Variants in MTHFD1 observed in about 807,000 individuals in gnomAD.
MTHFD1 encodes C-1-tetrahydrofolate synthase, cytoplasmic.
Under a neutral mutation model 110.3 loss-of-function variants are expected in MTHFD1, and 44 were observed. The observed-to-expected ratio is 0.40, with a 90% CI of 0.31 to 0.51. The LOEUF is 0.51. Ranked by LOEUF, MTHFD1 falls within the 20% of genes least tolerant of loss-of-function variation. The pLI is 0.60. For synonymous variants in MTHFD1, 402 were observed against 428.8 expected, an observed-to-expected ratio of 0.94 and a Z score of 0.77; for missense variants, 909 against 1,173.1, an observed-to-expected ratio of 0.77 and a Z score of 3.29.
At chr14:64,449,944 G>A (rs908318158) in intron 24 of MTHFD1, among the ~76,000 whole-genome samples, 1 of 152,114 alleles carries the variant, frequency 6.6e-6, no homozygotes, top group Admixed American at 6.5e-5. Context: ...GTCTGCCACC[G>A]TGCCCAGCTA....
At chr14:64,435,999 T>C (rs995718785) in intron 16 of MTHFD1, among the ~76,000 whole-genome samples, 1 of 152,232 alleles carries the variant, frequency 6.6e-6, no homozygotes, top group East Asian at 1.9e-4. Context: ...GTAGAGAAAT[T>C]ATGTTTAATC....
intron 6 of MTHFD1, among the ~76,000 whole-genome samples, chr14:64,416,510 G>T (rs1566561071): frequency 6.6e-6 from 1 of 152,084 alleles, no homozygotes. Context: ...CTCCTGCACA[G>T]TTGGCCATAT....
At chr14:64,405,303 A>G (rs2077928250) in intron 2 of MTHFD1, among the ~76,000 whole-genome samples, 1 of 152,096 alleles carries the variant, frequency 6.6e-6, no homozygotes, top group Non-Finnish European at 1.5e-5. Flanking sequence ...CTGACTTCCA[A>G]CCTTGTTTTT....
intron 8 of MTHFD1, among the ~76,000 whole-genome samples, chr14:64,421,858 C>T (rs2078076020): frequency 6.6e-6 from 1 of 152,104 alleles, no homozygotes; most frequent in African/African-American, 2.4e-5. Context: ...ATCTCCTGAC[C>T]TCGTGATCCG....
At position 64,435,578 on chromosome 14, in the gene MTHFD1, A is replaced by C. The variant is rs568267898; in HGVS notation, c.1504A>C (p.Ile502Leu). 1.9e-6 allele frequency: 3 copies of C among 1,592,246 alleles called. No homozygotes were observed. In the East Asian group the frequency reaches 6.7e-5, roughly 36 times the overall value. ...IQIRRLKRLG[I>L]EKTDPTTLTD... Reference sequence around the variant, plus strand: ...TTTCCTACACTTTCAGAGACTAGGCATTGAAAAGACTGACCCTACCACACT... The same window carrying C: ...TTTCCTACACTTTCAGAGACTAGGCCTTGAAAAGACTGACCCTACCACACT... The change falls in exon 16 of 28, where the codon ATT becomes CTT. Residue 502 changes from isoleucine (I) to leucine (L), a missense_variant. Ile to Leu is a conservative substitution (Grantham distance 5). Around this residue, in one of 3 missense-constraint regions of MTHFD1, gnomAD observed 482 missense variants for 646.0 expected, o/e 0.75. Coordinates refer to ENST00000652337, the MANE Select transcript of MTHFD1 (RefSeq NM_005956.4).
intron 1 of MTHFD1, among the ~76,000 whole-genome samples, 194 bp from the exon 2 acceptor site, chr14:64,400,599 G>T (rs954815496): frequency 5.3e-5 from 8 of 152,164 alleles, no homozygotes; most frequent in African/African-American, 1.9e-4. Context: ...GGGGCGAAAG[G>T]ATCGCTTGAG....
In MTHFD1 at chr14:64,441,403, A is replaced by G. The variant is rs2078245710; in HGVS notation, c.1834A>G (p.Thr612Ala). Residue 612 changes from threonine to alanine, a missense_variant, in exon 19 of 28, where the codon ACA (threonine) becomes GCA (alanine). Coordinates refer to ENST00000652337, the MANE Select transcript of MTHFD1 (RefSeq NM_005956.4). ...AEDLGVSGAL[T>A]VLMKDAIKPN... ...TTTGTAGGGGGTGAGTGGTGCACTG[A>G]CAGTGCTTATGAAGGACGCAATCAA... 8.7e-6 allele frequency: 14 copies of G among 1,614,094 alleles called. No individual in the cohort carries two copies. Among genetic ancestry groups the G allele is most frequent in the Non-Finnish European group, 1.2e-5 (14 of 1,179,990 alleles).
intron 2 of MTHFD1, among the ~76,000 whole-genome samples, chr14:64,408,197 TAA>T (rs922500390): frequency 6.8e-6 from 1 of 148,006 alleles, no homozygotes; most frequent in Non-Finnish European, 1.5e-5. Context: ...ACTCCTGGTA[TAA>T]AAAAAAAGTG....
At chr14:64,444,543 T>G in intron 21 of MTHFD1, 150 bp from the exon 22 acceptor site, 4 of 835,268 alleles carry the variant, frequency 4.8e-6, no homozygotes, top group Non-Finnish European at 2.0e-6. Context: ...ATTGGTCACA[T>G]ACCCTAAGTC....
intron 18 of MTHFD1, chr14:64,440,496 T>A (rs773316440): frequency 4.6e-5 from 27 of 583,114 alleles, no homozygotes; most frequent in Non-Finnish European, 7.8e-5. Context: ...CCAGATGATT[T>A]GAGTAACATC....
chr14:64,434,949 CTTTTTTTTTT>C (rs374039248), intron 15 of MTHFD1, among the ~76,000 whole-genome samples: 15 of 80,856 alleles, frequency 1.9e-4, no homozygotes, highest in African/African-American at 3.0e-4. Flanking sequence ...TCCCTCTTTT[CTTTTTTTTTT>C]TTTTTTTTTT....
At chr14:64,441,514 TA>T in intron 19 of MTHFD1, 61 bp downstream of exon 19, 2 of 1,533,722 alleles carry the variant, frequency 1.3e-6, no homozygotes, top group Non-Finnish European at 1.8e-6. Context: ...AGAGTGGTTA[TA>T]AAGCACACTT....
chr14:64,451,019 A>G (rs1371709590), intron 24 of MTHFD1, among the ~76,000 whole-genome samples: 1 of 152,108 alleles, frequency 6.6e-6, no homozygotes, highest in Non-Finnish European at 1.5e-5. Context: ...AATACAAAAA[A>G]TTAGCTGGGT....
rs746355149 is a variant in MTHFD1 at position 64,442,128 on chromosome 14, G to A, written c.1959G>A (p.Arg653=). The part of the protein sequence containing the change: ...AHGNSSIIAD[R]IALKLVGPEG... ...GCAATTCCTCCATCATTGCAGACCGGATCGCACTCAAGCTTGTTGGCCCAG... is the reference window on the plus strand; with the variant it reads ...GCAATTCCTCCATCATTGCAGACCGAATCGCACTCAAGCTTGTTGGCCCAG... The change falls in exon 20 of 28, where the codon CGG becomes CGA. Residue 653 remains arginine (R), a synonymous_variant. Transcript: ENST00000652337. 7 of 1,614,176 alleles carry A rather than the reference G, an allele frequency of 4.3e-6. No individual in the cohort carries two copies. The South Asian group carries it at 4.4e-5, about 10-fold the overall frequency.
intron 6 of MTHFD1, among the ~76,000 whole-genome samples, chr14:64,416,262 C>CAA (rs1348119589): frequency 6.6e-6 from 1 of 151,978 alleles, no homozygotes; most frequent in Non-Finnish European, 1.5e-5. Context: ...AACAAACAAA[C>CAA]AAACAAACAA....
rs1024712039 is a variant in MTHFD1, at chr14:64,417,821, C to T, written c.479-67C>T. 6 of 1,600,634 alleles carry T rather than the reference C, an allele frequency of 3.7e-6. No individual in the cohort carries two copies. The African/African-American group carries it at 6.7e-5, about 18-fold the overall frequency. On this transcript the variant is annotated intron_variant, in intron 6 of 27. Coordinates refer to ENST00000652337, the MANE Select transcript of MTHFD1 (RefSeq NM_005956.4). This position sits in a 1 kb window ranked among gnomAD's most constrained non-coding sequence, Gnocchi z 4.4. ...TTTTTGTGCACTTATTCTAATTTCT[C>T]CACGTGGCATGCGAAGGAGGGCAGC...
At chr14:64,442,005 C>A in intron 19 of MTHFD1, 49 bp from the exon 20 acceptor site, 1 of 1,269,976 alleles carries the variant, frequency 7.9e-7, no homozygotes, top group Non-Finnish European at 1.2e-6. Flanking sequence ...TGTGATCCCA[C>A]TTTGAAGCAG....
rs202105040 is a variant in MTHFD1, at chr14:64,458,241, C to T, written c.2746C>T (p.Arg916Trp). Residue 916 changes from arginine to tryptophan, a missense_variant, in exon 27 of 28, where the codon CGG becomes TGG. Physicochemically the swap from Arg to Trp is moderately radical, Grantham distance 101. This residue lies in a region of MTHFD1 where 482 missense variants were observed against 646.0 expected (regional missense o/e 0.75). Coordinates refer to ENST00000652337, the MANE Select transcript of MTHFD1 (RefSeq NM_005956.4). ...GAGCACAATGCCTGGACTCCCCACCCGGCCCTGTTTTTATGATATTGATTT... is the reference window on the plus strand; with the variant it reads ...GAGCACAATGCCTGGACTCCCCACCTGGCCCTGTTTTTATGATATTGATTT... ...TMSTMPGLPT[R>W]PCFYDIDLDP... 19 of 1,613,114 alleles carry T rather than the reference C, an allele frequency of 1.2e-5. No individual in the cohort carries two copies. The highest frequency in any genetic ancestry group is 2.2e-5 in the East Asian group (1 of 44,884).
In MTHFD1 at chr14:64,458,591, A is replaced by C. The variant is rs1215376148; in HGVS notation, c.*4+284A>C. ...TCCAATAAACTACAGAGGAAACTAC[A>C]GGAGAGGTTAGACTCCCTCTGCTGA... On this transcript the variant is annotated intron_variant, in intron 27 of 27. Transcript: ENST00000652337. 3 of 455,564 alleles carry C rather than the reference A, an allele frequency of 6.6e-6. No homozygotes were observed. In the East Asian group the frequency reaches 1.4e-4, roughly 21 times the overall value. 28.2% of individuals were successfully genotyped at this position (455,564 alleles called of 1,614,324 possible). A position where few individuals can be genotyped will look rare whatever the true frequency, so the allele number is the denominator to read the frequency against.
Sources: allele counts gnomAD v4.1 joint callset (sites outside exome capture counted in the v4.1 genomes callset), GRCh38; gene constraint gnomAD v4.1.1; regional missense constraint gnomAD v4.1.1; non-coding constraint Gnocchi (gnomAD v3.1); transcripts MANE v1.5; gene names NCBI Gene and HGNC (gene_info 2026-07-23, HGNC 2026-07-21).